Variants in PTPRO observed in about 807,000 individuals in gnomAD.
The protein encoded by PTPRO is protein tyrosine phosphatase receptor type O, also known as receptor-type tyrosine-protein phosphatase O.
Under a neutral mutation model 145.2 loss-of-function variants are expected in PTPRO, and 62 were observed. The ratio of observed to expected loss-of-function variants is 0.43; its 90% CI spans 0.35 to 0.53. The LOEUF (loss-of-function observed/expected upper bound fraction) is 0.53. Ranked by LOEUF, PTPRO falls within the 20% of genes least tolerant of loss-of-function variation. The pLI is 0.01. For missense variants in PTPRO, 1,345 were observed against 1,482.7 expected, an observed-to-expected ratio of 0.91 and a Z score of 1.53; for synonymous variants, 565 against 514.7, an observed-to-expected ratio of 1.10 and a Z score of -1.32.
intron 12 of PTPRO, among the ~76,000 whole-genome samples, chr12:15,539,333 G>T (rs1442377380): frequency 6.6e-6 from 1 of 152,214 alleles, no homozygotes; most frequent in South Asian, 2.1e-4. Flanking sequence ...TTAAAAAAAA[G>T]AAAGTAATGT....
chr12:15,515,764 A>G, intron 8 of PTPRO, 146 bp downstream of exon 8: 1 of 1,113,410 alleles, frequency 9.0e-7, no homozygotes, highest in East Asian at 2.4e-5. Flanking sequence ...GTAATAAATA[A>G]CAAGAATTGT....
intron 25 of PTPRO, 85 bp downstream of exon 25, chr12:15,589,675 C>T (rs948286855): frequency 1.3e-6 from 2 of 1,493,562 alleles, no homozygotes; most frequent in African/African-American, 1.4e-5. Flanking sequence ...CAAAACAATT[C>T]TCTCAAACTT....
rs56136736 is a variant in PTPRO, at chr12:15,448,339, TAAA to T, written c.76-35616_76-35614del. ...CTCTATTCTATCTTCCTGTTCCTAG[TAAA>T]AAAAAAAAAAAAAAAAAAGCACCGA... On this transcript the variant is annotated intron_variant, in intron 1 of 26. Transcript: ENST00000281171. 1.6e-4 allele frequency among the ~76,000 whole-genome samples: 7 copies of T among 45,020 alleles called. 1 individual carries two copies. The highest frequency in any genetic ancestry group is 4.7e-4 in the Admixed American group (1 of 2,122). 29.5% of individuals were successfully genotyped at this position (45,020 alleles called of 152,430 possible).
chr12:15,489,211 CT>C (rs1941950783), intron 2 of PTPRO, among the ~76,000 whole-genome samples: 1 of 151,984 alleles, frequency 6.6e-6, no homozygotes, highest in East Asian at 1.9e-4. Flanking sequence ...AATATGATAA[CT>C]GCTATTGTAA....
intron 10 of PTPRO, among the ~76,000 whole-genome samples, chr12:15,523,922 C>G (rs973955501): frequency 6.6e-6 from 1 of 151,904 alleles, no homozygotes; most frequent in African/African-American, 2.4e-5. Context: ...CTCAGCCTCC[C>G]TAGTAGGTGG....
chr12:15,549,898 G>C (rs1259283405), intron 14 of PTPRO, among the ~76,000 whole-genome samples: 2 of 152,166 alleles, frequency 1.3e-5, no homozygotes, highest in Non-Finnish European at 2.9e-5. Context: ...GATGACTGGA[G>C]CGGACTGTTT....
At chr12:15,576,517 T>C (rs10466857) in intron 19 of PTPRO, among the ~76,000 whole-genome samples, 1,570 of 152,328 alleles carry the variant, frequency 0.01, 30 homozygotes, top group African/African-American at 0.036. Context: ...ATTCCTTTTG[T>C]ATCTGAGGCC....
At chr12:15,405,775 G>A (rs1395369358) in intron 1 of PTPRO, among the ~76,000 whole-genome samples, 2 of 152,078 alleles carry the variant, frequency 1.3e-5, no homozygotes, top group Non-Finnish European at 2.9e-5. Flanking sequence ...TGAACCACAA[G>A]CTTATTTAAT....
chr12:15,373,242 A>G (rs1239364933), intron 1 of PTPRO, among the ~76,000 whole-genome samples: 1 of 152,202 alleles, frequency 6.6e-6, no homozygotes, highest in South Asian at 2.1e-4. Context: ...GCTGCTCTGT[A>G]CCATTAATGC....
intron 23 of PTPRO, among the ~76,000 whole-genome samples, chr12:15,586,501 G>T (rs572747028): frequency 1.3e-5 from 2 of 152,328 alleles, no homozygotes; most frequent in African/African-American, 4.8e-5. Context: ...AGGTACTGCT[G>T]TGCTGTTAGC....
At chr12:15,573,872 C>T (rs1029646752) in intron 19 of PTPRO, among the ~76,000 whole-genome samples, 3 of 152,126 alleles carry the variant, frequency 2.0e-5, no homozygotes, top group African/African-American at 7.2e-5. Flanking sequence ...GCAGCCCTCA[C>T]ATTTTTTTGA....
intron 1 of PTPRO, among the ~76,000 whole-genome samples, chr12:15,350,092 C>A (rs1258462987): frequency 1.3e-5 from 2 of 152,206 alleles, no homozygotes; most frequent in African/African-American, 2.4e-5. Context: ...CTGTAGGTAA[C>A]TTTCATGGTC....
intron 1 of PTPRO, among the ~76,000 whole-genome samples, chr12:15,416,985 G>A (rs1192944837): frequency 1.3e-5 from 2 of 151,626 alleles, no homozygotes; most frequent in African/African-American, 4.9e-5. Flanking sequence ...ATATTGATTA[G>A]ATGTAATTGA....
chr12:15,368,318 A>G (rs1335093290), intron 1 of PTPRO, among the ~76,000 whole-genome samples: 45 of 152,172 alleles, frequency 3.0e-4, no homozygotes. Context: ...CGCAAATTCA[A>G]TATTAGGAAG....
In PTPRO at chr12:15,586,980, T is replaced by C; in HGVS notation, c.3339T>C (p.Ser1113=). The C allele has an allele frequency of 6.2e-7, 1 of 1,614,082 alleles. No individual in the cohort carries two copies. The highest frequency in any genetic ancestry group is 8.5e-7 in the Non-Finnish European group (1 of 1,179,952). ...HGVPTANAAE[S]ILQFVHMVRQ... is the part of the protein sequence containing the mutation. ...TGCCCACAGCAAATGCTGCAGAAAGTATCCTGCAGTTTGTACACATGGTCC... is the reference window on the plus strand; with the variant it reads ...TGCCCACAGCAAATGCTGCAGAAAGCATCCTGCAGTTTGTACACATGGTCC... The change falls in exon 24 of 27, where the codon AGT becomes AGC. Residue 1113 remains serine, a synonymous_variant. Transcript: ENST00000281171.
intron 1 of PTPRO, among the ~76,000 whole-genome samples, chr12:15,445,260 A>G (rs1175461257): frequency 6.6e-6 from 1 of 152,084 alleles, no homozygotes; most frequent in Non-Finnish European, 1.5e-5. Flanking sequence ...CTAATTTTGT[A>G]CAGTGGTCAT....
chr12:15,438,297 GA>G (rs1419185047), intron 1 of PTPRO, among the ~76,000 whole-genome samples: 4 of 152,048 alleles, frequency 2.6e-5, no homozygotes, highest in Non-Finnish European at 4.4e-5. Flanking sequence ...CTAGCACCAT[GA>G]AAAAACCTGA....
At chr12:15,553,368 G>T (rs1943524198) in intron 15 of PTPRO, among the ~76,000 whole-genome samples, 1 of 152,134 alleles carries the variant, frequency 6.6e-6, no homozygotes, top group African/African-American at 2.4e-5. Flanking sequence ...GTGGTGTTAG[G>T]GGTCCTAGGA....
chr12:15,535,504 G>A (rs538701955), intron 12 of PTPRO, among the ~76,000 whole-genome samples: 44 of 152,248 alleles, frequency 2.9e-4, no homozygotes, highest in African/African-American at 9.6e-4. Flanking sequence ...AGACATGTTC[G>A]GGCACGTTCG....
Sources: gnomAD v4.1 joint callset for allele counts (sites outside exome capture counted in the v4.1 genomes callset) on GRCh38, gnomAD v4.1.1 for gene constraint, MANE v1.5 for transcripts, NCBI Gene and HGNC (gene_info 2026-07-23, HGNC 2026-07-21) for gene names.